FAM219A: variants seen among roughly 807,000 people sequenced by gnomAD.
The protein encoded by FAM219A is family with sequence similarity 219 member A.
FAM219A carries 7 observed loss-of-function variants against 23.4 expected under a neutral mutation model. The ratio of observed to expected loss-of-function variants is 0.30; its 90% CI spans 0.17 to 0.56. The LOEUF (loss-of-function observed/expected upper bound fraction) is 0.56. Ranked by LOEUF, FAM219A falls within the 20% of genes least tolerant of loss-of-function variation. The pLI is 0.92. For missense variants in FAM219A, 166 were observed against 246.9 expected, an observed-to-expected ratio of 0.67 and a Z score of 2.20; for synonymous variants, 93 against 99.0, an observed-to-expected ratio of 0.94 and a Z score of 0.36.
chr9:34,458,148 TCC>T lies in FAM219A; in HGVS notation c.60+54_60+55del. 8.5e-7 allele frequency: 1 copy of T among 1,178,334 alleles called. No homozygotes were observed. The highest frequency in any genetic ancestry group is 1.2e-6 in the Non-Finnish European group (1 of 853,880). The allele number at this position is 1,178,334 out of a possible 1,614,324, so 73.0% of individuals were successfully genotyped here. On this transcript the variant is annotated intron_variant, in intron 1 of 5. Coordinates refer to ENST00000651358, the MANE Select transcript of FAM219A (RefSeq NM_001184940.2). The surrounding 1 kb of genome is among the most constrained non-coding windows in gnomAD (Gnocchi z 6.6). The stretch of plus-strand genomic sequence containing the variant: ...GATCCCCCCGGCCTGATTCCCTCCC[TCC>T]CCCTCAAGCGACGCCCCCTCCGGCC...
intron 1 of FAM219A, among the ~76,000 whole-genome samples, chr9:34,432,441 G>T (rs1271740812): frequency 2.6e-5 from 4 of 152,178 alleles, no homozygotes; most frequent in Non-Finnish European, 5.9e-5. Context: ...ACTGGACAGT[G>T]CTGACCACAT....
At chr9:34,439,233 T>G (rs1449888033) in intron 1 of FAM219A, among the ~76,000 whole-genome samples, 1 of 152,198 alleles carries the variant, frequency 6.6e-6, no homozygotes, top group Non-Finnish European at 1.5e-5. Context: ...TTGAAGTCAG[T>G]GAGACCAAGA....
intron 1 of FAM219A, among the ~76,000 whole-genome samples, chr9:34,450,293 A>T (rs12345151): frequency 0.18 from 27,229 of 149,476 alleles, 2,689 homozygotes; most frequent in East Asian, 0.33. Context: ...AGCCTCGGTG[A>T]CAGAGACCCT....
chr9:34,415,971 T>A (rs1334793377), intron 1 of FAM219A, among the ~76,000 whole-genome samples: 2 of 151,858 alleles, frequency 1.3e-5, no homozygotes, highest in Non-Finnish European at 2.9e-5. Context: ...TTAGGCATTA[T>A]AAGAAACCCA....
chr9:34,400,910 C>T lies in FAM219A; in HGVS notation c.*54G>A, dbSNP rs1371351947. ...AGCTGGGAAGGGGTCGGCCTCTGCCCGTCCTACCCGGCCCTTGGCGGCCCC... is the reference window on the plus strand; with the variant it reads ...AGCTGGGAAGGGGTCGGCCTCTGCCTGTCCTACCCGGCCCTTGGCGGCCCC... On this transcript the variant is annotated 3_prime_UTR_variant, in exon 6 of 6. Coordinates refer to ENST00000651358, the MANE Select transcript of FAM219A (RefSeq NM_001184940.2). 3.2e-5 allele frequency: 47 copies of T among 1,464,326 alleles called. No individual in the cohort carries two copies. Among genetic ancestry groups the T allele is most frequent in the Middle Eastern group, 2.2e-4 (1 of 4,558 alleles). The allele number at this position is 1,464,326 out of a possible 1,614,324, so 90.7% of individuals were successfully genotyped here.
chr9:34,458,535 C>A lies in FAM219A; in HGVS notation c.-272G>T, dbSNP rs1436026999. ...CTTGCCTCGCCTCCTACTCCGCTGC[C>A]GCCTCCTGTCAGCAGCTCAGCCACT... On this transcript the variant is annotated 5_prime_UTR_variant, in exon 1 of 6. Transcript: ENST00000651358. This position sits in a 1 kb window ranked among gnomAD's most constrained non-coding sequence, Gnocchi z 6.6. The A allele has an allele frequency of 2.6e-6, 1 of 380,074 alleles. No homozygotes were observed. Among genetic ancestry groups the A allele is most frequent in the African/African-American group, 2.1e-5 (1 of 47,776 alleles). 23.5% of individuals were successfully genotyped at this position (380,074 alleles called of 1,614,324 possible).
Position 34,458,485 on chromosome 9 carries a change from G to A in FAM219A, c.-222C>T. ...CGTGGGCTTGCCTAGCACTACCGCGGCTGTGGCCGGGCCGAGCCGCAGGTC... is the reference window on the plus strand; with the variant it reads ...CGTGGGCTTGCCTAGCACTACCGCGACTGTGGCCGGGCCGAGCCGCAGGTC... On this transcript the variant is annotated 5_prime_UTR_variant, in exon 1 of 6. Transcript: ENST00000651358. The surrounding 1 kb of genome is among the most constrained non-coding windows in gnomAD (Gnocchi z 6.6). 2.6e-6 allele frequency: 1 copy of A among 383,474 alleles called. No individual in the cohort carries two copies. Among genetic ancestry groups the A allele is most frequent in the Non-Finnish European group, 4.7e-6 (1 of 214,130 alleles). 23.8% of individuals were successfully genotyped at this position (383,474 alleles called of 1,614,324 possible).
rs56402341 is a variant in FAM219A, at chr9:34,430,846, T to TAACAACAACAACAACAACAACAACAAC, written c.61-24883_61-24882insGTTGTTGTTGTTGTTGTTGTTGTTGTT. Among the ~76,000 whole-genome samples, 537 of 150,370 alleles carry TAACAACAACAACAACAACAACAACAAC rather than the reference T, an allele frequency of 3.6e-3. 4 individuals are homozygous for TAACAACAACAACAACAACAACAACAAC. Among genetic ancestry groups the TAACAACAACAACAACAACAACAACAAC allele is most frequent in the African/African-American group, 0.012 (495 of 40,658 alleles). ...GCCCGAGTGAGACCATGTCTCCAAA[T>TAACAACAACAACAACAACAACAACAAC]AACAACAACAACAACAACAATAAGT... On this transcript the variant is annotated intron_variant, in intron 1 of 5. Coordinates refer to ENST00000651358, the MANE Select transcript of FAM219A (RefSeq NM_001184940.2).
At chr9:34,404,840 T>C (rs548384776) in intron 2 of FAM219A, among the ~76,000 whole-genome samples, 2 of 152,066 alleles carry the variant, frequency 1.3e-5, no homozygotes, top group East Asian at 3.9e-4. Flanking sequence ...GAAAAACAGC[T>C]CGAGGGGCTC....
At chr9:34,416,414 C>T (rs371688342) in intron 1 of FAM219A, among the ~76,000 whole-genome samples, 1 of 152,008 alleles carries the variant, frequency 6.6e-6, no homozygotes, top group East Asian at 1.9e-4. Context: ...TATTTTGTTA[C>T]TGTAATCAGA....
Position 34,458,393 on chromosome 9 carries a change from G to A in FAM219A, c.-130C>T. On this transcript the variant is annotated 5_prime_UTR_variant, in exon 1 of 6. Coordinates refer to ENST00000651358, the MANE Select transcript of FAM219A (RefSeq NM_001184940.2). This position sits in a 1 kb window ranked among gnomAD's most constrained non-coding sequence, Gnocchi z 6.6. Reference sequence around the variant, plus strand: ...CTCCCCGGACCACTCGGGCGGGCAGGGGCCGGGCGGATGCAGGGGTGGGCG... The same window carrying A: ...CTCCCCGGACCACTCGGGCGGGCAGAGGCCGGGCGGATGCAGGGGTGGGCG... 1 of 544,480 alleles carries A rather than the reference G, an allele frequency of 1.8e-6. No homozygotes were observed. The highest frequency in any genetic ancestry group is 2.6e-6 in the Non-Finnish European group (1 of 377,868). The allele number at this position is 544,480 out of a possible 1,614,324, so 33.7% of individuals were successfully genotyped here.
chr9:34,409,397 G>A (rs1233939810), intron 1 of FAM219A, among the ~76,000 whole-genome samples: 1 of 152,208 alleles, frequency 6.6e-6, no homozygotes, highest in African/African-American at 2.4e-5. Flanking sequence ...AGAAGGAAGT[G>A]CCTGGCTCCA....
chr9:34,425,247 A>G (rs1822414958), intron 1 of FAM219A, among the ~76,000 whole-genome samples: 2 of 152,148 alleles, frequency 1.3e-5, no homozygotes, highest in Admixed American at 1.3e-4. Context: ...TGGGGGGCCA[A>G]GGCAGGCAGA....
chr9:34,406,242 T>A, intron 1 of FAM219A: 8 of 962,432 alleles, frequency 8.3e-6, no homozygotes, highest in Non-Finnish European at 9.9e-6. Flanking sequence ...AGAAAGCCCA[T>A]CATGATTTCT....
intron 1 of FAM219A, among the ~76,000 whole-genome samples, chr9:34,445,187 C>G (rs143390540): frequency 6.6e-6 from 1 of 152,140 alleles, no homozygotes; most frequent in Non-Finnish European, 1.5e-5. Flanking sequence ...TCCACTCTTA[C>G]TCATCTTTAA....
rs901447214 is a variant in FAM219A, at chr9:34,453,294, C to T, written c.60+4910G>A. 9.9e-5 allele frequency among the ~76,000 whole-genome samples: 15 copies of T among 152,236 alleles called. 1 individual carries two copies. The South Asian group carries it at 1.0e-3, about 11-fold the overall frequency. On this transcript the variant is annotated intron_variant, in intron 1 of 5. Transcript: ENST00000651358. ...TGTTCTCTCCGCCACTTTCAGGAGCCGCTGTAGCCTACCCACTGAATTAAT... is the reference window on the plus strand; with the variant it reads ...TGTTCTCTCCGCCACTTTCAGGAGCTGCTGTAGCCTACCCACTGAATTAAT...
At chr9:34,445,996 G>A (rs957893063) in intron 1 of FAM219A, among the ~76,000 whole-genome samples, 1 of 152,102 alleles carries the variant, frequency 6.6e-6, no homozygotes, top group East Asian at 1.9e-4. Context: ...CCAACATGGT[G>A]AAACCATCTC....
chr9:34,439,131 T>G (rs1425108974), intron 1 of FAM219A, among the ~76,000 whole-genome samples: 1 of 151,718 alleles, frequency 6.6e-6, no homozygotes, highest in Non-Finnish European at 1.5e-5. Context: ...AGGAAGAAAC[T>G]CCGAACACAT....
chr9:34,458,515 C>T lies in FAM219A; in HGVS notation c.-252G>A. On this transcript the variant is annotated 5_prime_UTR_variant, in exon 1 of 6. Transcript: ENST00000651358. This position sits in a 1 kb window ranked among gnomAD's most constrained non-coding sequence, Gnocchi z 6.6. ...GGCCGGGCCGAGCCGCAGGTCTTGC[C>T]TCGCCTCCTACTCCGCTGCCGCCTC... 2.7e-6 allele frequency: 1 copy of T among 375,656 alleles called. No individual in the cohort carries two copies. Among genetic ancestry groups the T allele is most frequent in the Non-Finnish European group, 4.8e-6 (1 of 208,074 alleles). The allele number at this position is 375,656 out of a possible 1,614,324, so 23.3% of individuals were successfully genotyped here.
Sources: gnomAD v4.1 joint callset for allele counts (sites outside exome capture counted in the v4.1 genomes callset) on GRCh38, gnomAD v4.1.1 for gene constraint, Gnocchi (gnomAD v3.1) non-coding constraint, MANE v1.5 for transcripts, NCBI Gene and HGNC (gene_info 2026-07-23, HGNC 2026-07-21) for gene names.